Variants in NCKAP5 observed in about 807,000 individuals in gnomAD.
NCKAP5 encodes nck-associated protein 5.
Under a neutral mutation model 167.0 loss-of-function variants are expected in NCKAP5, and 92 were observed. That is an observed-to-expected ratio of 0.55 (90% CI 0.47 to 0.66). NCKAP5 has a LOEUF of 0.66. Among genes scored for constraint, NCKAP5 ranks in the 30% least tolerant of loss-of-function variants. NCKAP5 has a pLI of 0.00. For missense variants in NCKAP5, 2,378 were observed against 2,315.0 expected (o/e 1.03, Z -0.56); for synonymous variants, 891 against 877.4 (o/e 1.02, Z -0.27).
intron 16 of NCKAP5, among the ~76,000 whole-genome samples, chr2:132,766,278 CAAAAAAAAAA>C (rs70973405): frequency 2.9e-4 from 11 of 38,428 alleles, no homozygotes; most frequent in Admixed American, 3.9e-4. Context: ...GATTCTGTCT[CAAAAAAAAAA>C]AAAAAAAAAA....
intron 3 of NCKAP5, among the ~76,000 whole-genome samples, chr2:133,471,583 G>T (rs1334582115): frequency 2.6e-5 from 4 of 151,916 alleles, no homozygotes; most frequent in Non-Finnish European, 4.4e-5. Context: ...GGTTGGTTGG[G>T]GTATATATAC....
intron 16 of NCKAP5, among the ~76,000 whole-genome samples, chr2:132,745,043 A>C (rs1194358305): frequency 6.6e-6 from 1 of 151,806 alleles, no homozygotes; most frequent in African/African-American, 2.4e-5. Flanking sequence ...GGATGAAAAA[A>C]ATGATCATTT....
chr2:132,714,555 T>A (rs555161945), intron 19 of NCKAP5, among the ~76,000 whole-genome samples: 2 of 152,130 alleles, frequency 1.3e-5, no homozygotes, highest in Non-Finnish European at 1.5e-5. Flanking sequence ...CAGTGGCTCA[T>A]GCCTGTAATC....
chr2:133,132,041 G>A (rs1240499185), intron 5 of NCKAP5, among the ~76,000 whole-genome samples: 2 of 152,030 alleles, frequency 1.3e-5, no homozygotes, highest in Non-Finnish European at 2.9e-5. Context: ...TGTAATCCCA[G>A]CACTTTGGGA....
chr2:132,969,722 G>T (rs547021679), intron 7 of NCKAP5, among the ~76,000 whole-genome samples: 10 of 152,254 alleles, frequency 6.6e-5, no homozygotes, highest in African/African-American at 2.2e-4. Flanking sequence ...TGCAGGTACT[G>T]CTGATGTGCT....
At position 132,672,955 on chromosome 2, in the gene NCKAP5, C is replaced by T; in HGVS notation, c.*334G>A. On this transcript the variant is annotated 3_prime_UTR_variant, in exon 20 of 20. Coordinates refer to ENST00000409261, the MANE Select transcript of NCKAP5 (RefSeq NM_207363.3). ...TTATTGTTATCTCTATCAAGCGGTG[C>T]ACCCCCCACCCCCCACCCATCATTT... 4.6e-6 allele frequency: 2 copies of T among 432,724 alleles called. No individual in the cohort carries two copies. The highest frequency in any genetic ancestry group is 6.0e-6 in the Non-Finnish European group (2 of 335,760). The allele number at this position is 432,724 out of a possible 1,614,324, so 26.8% of individuals were successfully genotyped here.
intron 13 of NCKAP5, among the ~76,000 whole-genome samples, chr2:132,787,065 A>AT (rs937538759): frequency 2.4e-4 from 37 of 152,160 alleles, no homozygotes; most frequent in African/African-American, 8.7e-4. Context: ...AGAAGGCTAT[A>AT]TGGGCCAGGC....
chr2:133,111,908 C>T lies in NCKAP5; in HGVS notation c.341+18070G>A, dbSNP rs78648803. 2.7e-3 allele frequency among the ~76,000 whole-genome samples: 412 copies of T among 152,178 alleles called. 16 individuals are homozygous for T. The East Asian group carries it at 0.076, about 28-fold the overall frequency. On this transcript the variant is annotated intron_variant, in intron 6 of 19. Coordinates refer to ENST00000409261, the MANE Select transcript of NCKAP5 (RefSeq NM_207363.3). ...ACTCTAGGAAGAAAGGGACATAGCA[C>T]AGGATGAGTAATAGAATCTCCCCCA...
intron 4 of NCKAP5, among the ~76,000 whole-genome samples, chr2:133,273,645 G>A (rs2089607011): frequency 6.6e-6 from 1 of 151,946 alleles, no homozygotes. Context: ...GAAAATTAAG[G>A]AGGCTCTCAA....
chr2:133,479,507 T>C (rs1357307515), intron 3 of NCKAP5, among the ~76,000 whole-genome samples: 1 of 152,238 alleles, frequency 6.6e-6, no homozygotes, highest in East Asian at 1.9e-4. Context: ...ACTTGAAATA[T>C]TTCTAATGCA....
At chr2:133,521,697 C>T (rs1197293543) in intron 2 of NCKAP5, among the ~76,000 whole-genome samples, 1 of 152,194 alleles carries the variant, frequency 6.6e-6, no homozygotes, top group Non-Finnish European at 1.5e-5. Flanking sequence ...AGTTGTAGCA[C>T]GTTAGAGCCC....
chr2:133,013,159 C>T (rs926674589), intron 6 of NCKAP5, among the ~76,000 whole-genome samples: 5 of 152,166 alleles, frequency 3.3e-5, no homozygotes, highest in Non-Finnish European at 7.4e-5. Flanking sequence ...ATTTTTCTTC[C>T]TCTGCCAACA....
At chr2:132,981,530 G>A (rs2077141909) in intron 7 of NCKAP5, among the ~76,000 whole-genome samples, 1 of 152,112 alleles carries the variant, frequency 6.6e-6, no homozygotes. Flanking sequence ...CCTCACTTCT[G>A]TATCCCTATG....
chr2:133,258,003 G>A (rs2088708667), intron 4 of NCKAP5, among the ~76,000 whole-genome samples: 1 of 152,150 alleles, frequency 6.6e-6, no homozygotes, highest in Admixed American at 6.5e-5. Flanking sequence ...TTCCAGTGCA[G>A]GAAGCGCTAA....
Position 133,461,131 on chromosome 2 carries a change from A to G in NCKAP5, c.69+56327T>C, listed in dbSNP as rs80277059. On this transcript the variant is annotated intron_variant, in intron 3 of 19. Coordinates refer to ENST00000409261, the MANE Select transcript of NCKAP5 (RefSeq NM_207363.3). The stretch of plus-strand genomic sequence containing the variant: ...GATGGGATGGGGCAGGTGAATAGAG[A>G]GGGGCGGGAAATGACAGCAGGTCTC... 3.7e-3 allele frequency among the ~76,000 whole-genome samples: 564 copies of G among 152,154 alleles called. 6 individuals are homozygous for G. The highest frequency in any genetic ancestry group is 0.013 in the African/African-American group (539 of 41,544).
intron 4 of NCKAP5, among the ~76,000 whole-genome samples, chr2:133,273,834 AG>A (rs1431326358): frequency 4.0e-5 from 6 of 151,892 alleles, no homozygotes; most frequent in Admixed American, 6.6e-5. Context: ...AAAATTAAAA[AG>A]ATAATCATTT....
At chr2:132,720,865 G>C (rs963721793) in intron 19 of NCKAP5, among the ~76,000 whole-genome samples, 1 of 152,104 alleles carries the variant, frequency 6.6e-6, no homozygotes. Context: ...ACAAAAATTA[G>C]CTGAGTGTGG....
chr2:133,664,771 T>G, the NCKAP5 span, among the ~76,000 whole-genome samples: 1 of 152,194 alleles, frequency 6.6e-6, no homozygotes, highest in South Asian at 2.1e-4. Context: ...GTGCTGAGAT[T>G]ACATATGTGA....
At chr2:133,385,121 T>C (rs1686841825) in intron 3 of NCKAP5, among the ~76,000 whole-genome samples, 1 of 152,198 alleles carries the variant, frequency 6.6e-6, no homozygotes, top group African/African-American at 2.4e-5. Context: ...CCCTGTCTTG[T>C]GCCAGTTTTC....
Sources: allele counts gnomAD v4.1 joint callset (sites outside exome capture counted in the v4.1 genomes callset), GRCh38; gene constraint gnomAD v4.1.1; transcripts MANE v1.5; gene names NCBI Gene and HGNC (gene_info 2026-07-23, HGNC 2026-07-21).